PDE4DIP: variants seen among roughly 807,000 people sequenced by gnomAD.
The protein encoded by PDE4DIP is phosphodiesterase 4D interacting protein.
PDE4DIP carries 59 observed loss-of-function variants against 221.4 expected under a neutral mutation model. The observed-to-expected ratio is 0.27, with a 90% CI of 0.22 to 0.33. The LOEUF (loss-of-function observed/expected upper bound fraction) is 0.33. Ranked by LOEUF, PDE4DIP falls within the 10% of genes least tolerant of loss-of-function variation. The pLI is 1.00. For missense variants in PDE4DIP, 1,036 were observed against 2,154.2 expected, an observed-to-expected ratio of 0.48 and a Z score of 10.28; for synonymous variants, 404 against 815.9, an observed-to-expected ratio of 0.50 and a Z score of 8.60.
chr1:148,815,327 G>C (rs1667456643), intron 1 of PDE4DIP, among the ~76,000 whole-genome samples: 1 of 142,562 alleles, frequency 7.0e-6, no homozygotes, highest in African/African-American at 2.5e-5. Flanking sequence ...GAGGCACGCA[G>C]ATCACGAGGT....
chr1:149,025,303 G>C (rs1178796734), intron 38 of PDE4DIP, among the ~76,000 whole-genome samples: 2 of 151,962 alleles, frequency 1.3e-5, no homozygotes, highest in Non-Finnish European at 2.9e-5. Context: ...CAGTATTGCC[G>C]ACCTTCCCAG....
chr1:148,944,133 G>A (rs2051078215), intron 5 of PDE4DIP, among the ~76,000 whole-genome samples: 2 of 152,228 alleles, frequency 1.3e-5, no homozygotes, highest in Non-Finnish European at 2.9e-5. Flanking sequence ...ACGCAGTATG[G>A]AGAAATGACA....
chr1:148,958,348 G>A (rs1553504672), intron 5 of PDE4DIP, among the ~76,000 whole-genome samples: 1 of 151,618 alleles, frequency 6.6e-6, no homozygotes, highest in Non-Finnish European at 1.5e-5. Flanking sequence ...GCTTCTCTTG[G>A]TGCTCCCCAA....
chr1:148,951,428 AG>A (rs1468967308), intron 5 of PDE4DIP, among the ~76,000 whole-genome samples: 1 of 151,680 alleles, frequency 6.6e-6, no homozygotes, highest in African/African-American at 2.4e-5. Flanking sequence ...CCAAGGGTGG[AG>A]GACCTATCAC....
intron 14 of PDE4DIP, among the ~76,000 whole-genome samples, chr1:148,970,109 C>T (rs587598848): frequency 8.6e-5 from 13 of 151,222 alleles, no homozygotes; most frequent in Admixed American, 2.0e-4. Flanking sequence ...AGCTCAGAAT[C>T]CCCGTAGTCA....
chr1:148,934,454 G>A (rs2048752319), intron 4 of PDE4DIP, among the ~76,000 whole-genome samples: 2 of 152,158 alleles, frequency 1.3e-5, no homozygotes, highest in East Asian at 3.8e-4. Context: ...TGGAGACTAA[G>A]GGTCAAAGAG....
At chr1:148,980,749 G>T (rs587765181) in intron 20 of PDE4DIP, among the ~76,000 whole-genome samples, 1 of 152,164 alleles carries the variant, frequency 6.6e-6, no homozygotes, top group Non-Finnish European at 1.5e-5. Context: ...GGTATGATAG[G>T]ACCAGTTGAT....
At chr1:148,930,527 A>T (rs2047707343) in intron 2 of PDE4DIP, 1 of 151,952 alleles carries the variant, frequency 6.6e-6, no homozygotes, top group Non-Finnish European at 1.5e-5. Context: ...AAAAAAAAAA[A>T]ATCAGTAGCA....
chr1:149,031,278 A>G (rs1268624343), intron 43 of PDE4DIP: 2 of 338,280 alleles, frequency 5.9e-6, no homozygotes, highest in Non-Finnish European at 4.2e-6. Context: ...AATCTCTAGT[A>G]TCCACTGGCT....
At chr1:149,022,591 A>G (rs1294956803) in intron 37 of PDE4DIP, among the ~76,000 whole-genome samples, 1 of 152,252 alleles carries the variant, frequency 6.6e-6, no homozygotes. Context: ...ATTTAAGTAC[A>G]CAGTCATGGT....
At chr1:148,949,439 T>A (rs1357387884) in intron 5 of PDE4DIP, among the ~76,000 whole-genome samples, 6 of 150,426 alleles carry the variant, frequency 4.0e-5, no homozygotes, top group African/African-American at 1.5e-4. Context: ...GTGTGTTAAA[T>A]TGGCAGCCCT....
intron 1 of PDE4DIP, among the ~76,000 whole-genome samples, chr1:148,893,103 ATGTATT>A (rs1699332059): frequency 1.1e-5 from 1 of 88,410 alleles, no homozygotes; most frequent in Admixed American, 1.1e-4. Context: ...GTGTGTGTGT[ATGTATT>A]TTTTTTTTTT....
chr1:148,989,844 A>G lies in PDE4DIP; in HGVS notation c.2816-2041A>G, dbSNP rs587712361. ...ATGATGTGGGTGTCCTAGGTAAATT[A>G]GTATCCTGGTTTTCAGTAGGTTTTT... On this transcript the variant is annotated intron_variant, in intron 21 of 43. Coordinates refer to ENST00000369354, the Ensembl canonical transcript of PDE4DIP. Among the ~76,000 whole-genome samples, 12 of 152,354 alleles carry G rather than the reference A, an allele frequency of 7.9e-5. No individual in the cohort carries two copies. In the East Asian group the frequency reaches 1.9e-3, roughly 24 times the overall value.
chr1:148,951,629 G>C (rs1553488513), intron 5 of PDE4DIP, among the ~76,000 whole-genome samples: 1 of 151,372 alleles, frequency 6.6e-6, no homozygotes, highest in Non-Finnish European at 1.5e-5. Context: ...GGACTTCAAT[G>C]GTGGTAATCT....
rs375286773 is a variant in PDE4DIP, at chr1:149,028,537, C to T, written c.6670-23C>T. On this transcript the variant is annotated intron_variant, in intron 40 of 43. Coordinates refer to ENST00000369354, the Ensembl canonical transcript of PDE4DIP. The stretch of plus-strand genomic sequence containing the variant: ...GGGGGAAGAAAGTAATCTCTCCGCT[C>T]CTGTGGTGTTACCTTTCCCCAGGTG... The T allele has an allele frequency of 1.4e-5, 22 of 1,607,500 alleles. No individual in the cohort carries two copies. In the African/African-American group the frequency reaches 2.4e-4, roughly 18 times the overall value.
At chr1:149,006,296 CACTCTAAA>C (rs1439413153) in intron 27 of PDE4DIP, 11 of 152,054 alleles carry the variant, frequency 7.2e-5, no homozygotes, top group Non-Finnish European at 8.8e-5. Flanking sequence ...AAGTAATAAC[CACTCTAAA>C]ACTTAGTGAC....
intron 21 of PDE4DIP, chr1:148,991,471 T>G: frequency 2.1e-6 from 1 of 485,998 alleles, no homozygotes; most frequent in African/African-American, 2.0e-5. Flanking sequence ...TCTGAGAGAT[T>G]CAGGGCAGCT....
intron 5 of PDE4DIP, among the ~76,000 whole-genome samples, chr1:148,956,308 T>G (rs1353618711): frequency 6.6e-6 from 1 of 152,032 alleles, no homozygotes; most frequent in Non-Finnish European, 1.5e-5. Context: ...AATCCTCCAC[T>G]TACCATATTT....
chr1:149,031,348 C>T (rs1553637334), intron 43 of PDE4DIP: 1 of 154,118 alleles, frequency 6.5e-6, no homozygotes, highest in African/African-American at 2.5e-5. Context: ...GGACCCGAGG[C>T]CTCGGTTCTA....
Sources: gnomAD v4.1 joint callset for allele counts (sites outside exome capture counted in the v4.1 genomes callset) on GRCh38, gnomAD v4.1.1 for gene constraint, MANE v1.5 for transcripts, NCBI Gene and HGNC (gene_info 2026-07-23, HGNC 2026-07-21) for gene names.